TMED7: variants seen among roughly 807,000 people sequenced by gnomAD.
TMED7 encodes the protein transmembrane emp24 domain-containing protein 7.
A neutral mutation model predicts 23.4 loss-of-function variants in TMED7; 8 were observed. The ratio of observed to expected loss-of-function variants is 0.34; its 90% CI spans 0.20 to 0.62. The LOEUF (loss-of-function observed/expected upper bound fraction) is 0.62, where lower values mean the gene tolerates loss of function less well. Ranked by LOEUF, TMED7 falls within the 20% of genes least tolerant of loss-of-function variation. The probability of loss-of-function intolerance (pLI) is 0.77; values close to 1 mark genes in which losing one functional copy is unlikely to be tolerated. For missense variants in TMED7, 232 were observed against 279.1 expected (o/e 0.83, Z 1.20); for synonymous variants, 121 against 108.5 (o/e 1.12, Z -0.72).
Position 115,614,941 on chromosome 5 carries a change from A to C in TMED7, c.*1268T>G, listed in dbSNP as rs1756641659. 1.3e-5 allele frequency: 2 copies of C among 151,658 alleles called. No homozygotes were observed. The highest frequency in any genetic ancestry group is 4.8e-5 in the African/African-American group (2 of 41,296). 9.4% of individuals were successfully genotyped at this position (151,658 alleles called of 1,614,324 possible). On this transcript the variant is annotated 3_prime_UTR_variant, in exon 3 of 3. Coordinates refer to ENST00000456936, the MANE Select transcript of TMED7 (RefSeq NM_181836.6). ...AGTTGCAATTAAAAAAAAAAAAAAC[A>C]GCAGAAAAGCTTTAAATATCTATAT... is the stretch of plus-strand genomic sequence containing the variant.
At chr5:115,619,914 T>C (rs1756962437) in intron 2 of TMED7, among the ~76,000 whole-genome samples, 1 of 152,224 alleles carries the variant, frequency 6.6e-6, no homozygotes, top group South Asian at 2.1e-4. Context: ...TTTGTAACTA[T>C]TTTTGTGAGA....
intron 2 of TMED7, among the ~76,000 whole-genome samples, chr5:115,616,925 A>G (rs746006061): frequency 3.9e-5 from 6 of 152,250 alleles, no homozygotes; most frequent in African/African-American, 9.6e-5. Context: ...AACTATGTTT[A>G]AAACAGCCAC....
rs1010580561 is a variant in TMED7, at chr5:115,615,018, T to C, written c.*1191A>G. On this transcript the variant is annotated 3_prime_UTR_variant, in exon 3 of 3. Transcript: ENST00000456936. ...AGATAATACTTGGAACAAAATCTTA[T>C]TTCAATCAGCTCAATCTATACAAGT... is the stretch of plus-strand genomic sequence containing the variant. The C allele has an allele frequency of 6.6e-6, 1 of 152,110 alleles. No individual in the cohort carries two copies. Among genetic ancestry groups the C allele is most frequent in the Non-Finnish European group, 1.5e-5 (1 of 67,980 alleles). The allele number at this position is 152,110 out of a possible 1,614,324, so 9.4% of individuals were successfully genotyped here. A position where few individuals can be genotyped will look rare whatever the true frequency, so the allele number is the denominator to read the frequency against.
intron 1 of TMED7, among the ~76,000 whole-genome samples, chr5:115,624,823 T>C (rs990353169): frequency 3.9e-5 from 6 of 152,244 alleles, no homozygotes; most frequent in East Asian, 1.9e-4. Context: ...TCCTACTTAC[T>C]GCTCTTAAGG....
At chr5:115,616,582 T>A in intron 2 of TMED7, 137 bp from the exon 3 acceptor site, 3 of 1,289,382 alleles carry the variant, frequency 2.3e-6, no homozygotes, top group Non-Finnish European at 3.2e-6. Flanking sequence ...TTCATACATT[T>A]ATGCCAGTTG....
intron 1 of TMED7, among the ~76,000 whole-genome samples, chr5:115,624,570 T>A (rs1269798772): frequency 2.0e-5 from 3 of 152,224 alleles, no homozygotes; most frequent in African/African-American, 7.2e-5. Flanking sequence ...GATGGCTTCC[T>A]ACACTTTCAG....
Position 115,620,484 on chromosome 5 carries a change from T to C in TMED7, c.389A>G (p.Glu130Gly), listed in dbSNP as rs1028140309. Residue 130 changes from glutamate (E) to glycine (G), a missense_variant, in exon 2 of 3, where the codon GAA becomes GGA. Physicochemically the swap from Glu to Gly is moderately conservative, Grantham distance 98. Transcript: ENST00000456936. The part of the protein sequence containing the change: ...KTVYFDFQVG[E>G]DPPLFPSENR... The stretch of plus-strand genomic sequence containing the variant: ...CTCACTAGGAAACAAAGGTGGGTCT[T>C]CTCCAACTTGAAAATCAAAATATAC... The C allele has an allele frequency of 1.2e-5, 19 of 1,594,018 alleles. No homozygotes were observed. In the African/African-American group the frequency reaches 1.6e-4, roughly 14 times the overall value.
rs190761099 is a variant in TMED7, at chr5:115,619,182, G to C, written c.438+1253C>G. On this transcript the variant is annotated intron_variant, in intron 2 of 2. Transcript: ENST00000456936. ...CTTATACAAGTTAAAATTCATGAAG[G>C]AATGGATACAGGTTAAGGTAATGGC... is the stretch of plus-strand genomic sequence containing the variant. The C allele has an allele frequency of 6.2e-4, 94 of 152,234 alleles. 1 individual carries two copies. The highest frequency in any genetic ancestry group is 2.1e-3 in the African/African-American group (89 of 41,542). 9.4% of individuals were successfully genotyped at this position (152,234 alleles called of 1,614,324 possible).
intron 1 of TMED7, among the ~76,000 whole-genome samples, chr5:115,623,150 C>T (rs1436916401): frequency 6.6e-6 from 1 of 152,214 alleles, no homozygotes; most frequent in Non-Finnish European, 1.5e-5. Context: ...AAGGCTGCCT[C>T]ACAGCAAGAG....
chr5:115,625,273 G>A (rs1354301392), intron 1 of TMED7, among the ~76,000 whole-genome samples: 1 of 152,236 alleles, frequency 6.6e-6, no homozygotes, highest in East Asian at 1.9e-4. Context: ...TTAGAGAGTA[G>A]AGGGTTGACA....
chr5:115,624,070 G>A (rs559744905), intron 1 of TMED7, among the ~76,000 whole-genome samples: 52 of 152,236 alleles, frequency 3.4e-4, no homozygotes, highest in African/African-American at 1.1e-3. Context: ...TTAACATACT[G>A]TCTACACATA....
chr5:115,618,311 TA>T (rs978299376), intron 2 of TMED7, among the ~76,000 whole-genome samples: 8 of 152,228 alleles, frequency 5.3e-5, no homozygotes, highest in South Asian at 4.1e-4. Context: ...TAACACTTTT[TA>T]AAAACATAAC....
At chr5:115,621,633 G>C (rs1457742661) in intron 1 of TMED7, among the ~76,000 whole-genome samples, 1 of 152,146 alleles carries the variant, frequency 6.6e-6, no homozygotes, top group Non-Finnish European at 1.5e-5. Context: ...AGAGGAGGGA[G>C]AGATTTTTCC....
intron 2 of TMED7, among the ~76,000 whole-genome samples, chr5:115,618,938 A>G (rs1756908086): frequency 6.6e-6 from 1 of 152,184 alleles, no homozygotes; most frequent in African/African-American, 2.4e-5. Flanking sequence ...CTAGCTGGTA[A>G]TTTTGTTCTG....
rs1329183145 is a variant in TMED7 at position 115,613,484 on chromosome 5, C to G, written c.*2725G>C. The G allele has an allele frequency of 1.3e-5, 2 of 152,060 alleles. No homozygotes were observed. Among genetic ancestry groups the G allele is most frequent in the African/African-American group, 4.8e-5 (2 of 41,418 alleles). The allele number at this position is 152,060 out of a possible 1,614,324, so 9.4% of individuals were successfully genotyped here. On this transcript the variant is annotated 3_prime_UTR_variant, in exon 3 of 3. Coordinates refer to ENST00000456936, the MANE Select transcript of TMED7 (RefSeq NM_181836.6). ...AGCTTTAGAAAGATTTAAATCCTGA[C>G]AGAAACAAGTAAAGTCAGTTTGTTG...
intron 1 of TMED7, among the ~76,000 whole-genome samples, chr5:115,621,886 T>C (rs1757042357): frequency 6.6e-6 from 1 of 152,138 alleles, no homozygotes; most frequent in Admixed American, 6.5e-5. Flanking sequence ...GGTCAAACTT[T>C]GGATTTAAAA....
In TMED7 at chr5:115,615,452, C is replaced by G. The variant is rs1160916477; in HGVS notation, c.*757G>C. The G allele has an allele frequency of 6.6e-6, 1 of 152,290 alleles. No homozygotes were observed. Among genetic ancestry groups the G allele is most frequent in the Non-Finnish European group, 1.5e-5 (1 of 67,982 alleles). The allele number at this position is 152,290 out of a possible 1,614,324, so 9.4% of individuals were successfully genotyped here. A position where few individuals can be genotyped will look rare whatever the true frequency, so the allele number is the denominator to read the frequency against. ...AAATGTAATGAGTACGTGTAACTCA[C>G]TAAAAATTTTCCTATTTCATTTGCC... On this transcript the variant is annotated 3_prime_UTR_variant, in exon 3 of 3. Transcript: ENST00000456936.
Position 115,615,311 on chromosome 5 carries a change from A to G in TMED7, c.*898T>C, listed in dbSNP as rs906610894. 2 of 152,590 alleles carry G rather than the reference A, an allele frequency of 1.3e-5. No individual in the cohort carries two copies. Among genetic ancestry groups the G allele is most frequent in the Admixed American group, 6.5e-5 (1 of 15,278 alleles). 9.5% of individuals were successfully genotyped at this position (152,590 alleles called of 1,614,324 possible). A position where few individuals can be genotyped will look rare whatever the true frequency, so the allele number is the denominator to read the frequency against. On this transcript the variant is annotated 3_prime_UTR_variant, in exon 3 of 3. Transcript: ENST00000456936. Reference sequence around the variant, plus strand: ...CTTATGTGTGAGACTAATACTAACAATTGTTAATTTAAGCTGGGAATGACT... The same window carrying G: ...CTTATGTGTGAGACTAATACTAACAGTTGTTAATTTAAGCTGGGAATGACT...
chr5:115,616,636 G>C, intron 2 of TMED7, 191 bp from the exon 3 acceptor site: 1 of 807,248 alleles, frequency 1.2e-6, no homozygotes, highest in South Asian at 1.8e-5. Flanking sequence ...TGGGACAACT[G>C]TTAAGGCTAG....
Sources: gnomAD v4.1 joint callset for allele counts (sites outside exome capture counted in the v4.1 genomes callset) on GRCh38, gnomAD v4.1.1 for gene constraint, MANE v1.5 for transcripts, NCBI Gene and HGNC (gene_info 2026-07-23, HGNC 2026-07-21) for gene names.